ZNF428: variants seen among roughly 807,000 people sequenced by gnomAD.
ZNF428 encodes the protein zinc finger protein 428.
A neutral mutation model predicts 15.6 loss-of-function variants in ZNF428; 5 were observed. That is an observed-to-expected ratio of 0.32 (90% CI 0.17 to 0.67). ZNF428 has a LOEUF of 0.67. Ranked by LOEUF, ZNF428 falls within the 30% of genes least tolerant of loss-of-function variation. The probability of loss-of-function intolerance (pLI) is 0.73; values close to 1 mark genes in which losing one functional copy is unlikely to be tolerated. For missense variants in ZNF428, 237 were observed against 256.0 expected (o/e 0.93, Z 0.51); for synonymous variants, 97 against 102.2 (o/e 0.95, Z 0.31).
chr19:43,610,473 T>C (rs1406548653), intron 2 of ZNF428, among the ~76,000 whole-genome samples: 2 of 152,016 alleles, frequency 1.3e-5, no homozygotes, highest in Non-Finnish European at 2.9e-5. Context: ...GTGCTGGGAT[T>C]ATAGGTATGA....
At chr19:43,613,545 G>T (rs1188413507) in intron 2 of ZNF428, 2 of 1,551,160 alleles carry the variant, frequency 1.3e-6, no homozygotes, top group Non-Finnish European at 1.7e-6. Context: ...GATCGCAGCC[G>T]ATCTAGAAGC....
At chr19:43,608,233 C>T in intron 2 of ZNF428, 126 bp from the exon 3 acceptor site, 1 of 1,289,376 alleles carries the variant, frequency 7.8e-7, no homozygotes, top group Non-Finnish European at 1.1e-6. Context: ...AGACACTACC[C>T]TTCCCTTCCC....
intron 1 of ZNF428, among the ~76,000 whole-genome samples, chr19:43,619,138 G>A (rs1314722547): frequency 3.9e-5 from 6 of 152,178 alleles, no homozygotes; most frequent in African/African-American, 1.4e-4. Flanking sequence ...TTCCACTACG[G>A]GACAATAACG....
rs771954639 is a variant in ZNF428 at position 43,612,419 on chromosome 19, ACCAGCAAAG to A, written c.76+1801_76+1809del. ...CAGCAGGGTGAGCACCGACACCAGG[ACCAGCAAAG>A]CCAGCAAGGCCAGCGACGTGAGATG... is the stretch of plus-strand genomic sequence containing the variant. On this transcript the variant is annotated intron_variant, in intron 2 of 2. Transcript: ENST00000300811. This position sits in a 1 kb window ranked among gnomAD's most constrained non-coding sequence, Gnocchi z 4.2. 1.7e-4 allele frequency: 268 copies of A among 1,551,266 alleles called. 1 individual carries two copies. The highest frequency in any genetic ancestry group is 1.7e-4 in the Middle Eastern group (1 of 6,014).
Position 43,612,283 on chromosome 19 carries a change from C to T in ZNF428, c.76+1946G>A. 6.4e-7 allele frequency: 1 copy of T among 1,551,704 alleles called. No homozygotes were observed. The highest frequency in any genetic ancestry group is 1.4e-5 in the African/African-American group (1 of 73,156). ...CCACCAAACCAGCGACATCCCGTAA[C>T]TCAGTCATGAGCCCAAGCAGTTCCA... On this transcript the variant is annotated intron_variant, in intron 2 of 2. Transcript: ENST00000300811. The surrounding 1 kb of genome is among the most constrained non-coding windows in gnomAD (Gnocchi z 4.2).
chr19:43,619,202 A>G (rs1383383467), intron 1 of ZNF428, among the ~76,000 whole-genome samples: 1 of 152,100 alleles, frequency 6.6e-6, no homozygotes, highest in Admixed American at 6.5e-5. Context: ...TTAGGCCTAT[A>G]GCGACCACCT....
At chr19:43,618,445 T>TA (rs923809142) in intron 1 of ZNF428, among the ~76,000 whole-genome samples, 3 of 151,688 alleles carry the variant, frequency 2.0e-5, no homozygotes, top group African/African-American at 7.3e-5. Context: ...TACTCCCCCA[T>TA]AACCAGGTTG....
rs1973303797 is a variant in ZNF428 at position 43,612,121 on chromosome 19, C to T, written c.76+2108G>A. The T allele has an allele frequency of 6.4e-7, 1 of 1,550,678 alleles. No homozygotes were observed. Among genetic ancestry groups the T allele is most frequent in the Non-Finnish European group, 8.7e-7 (1 of 1,146,304 alleles). On this transcript the variant is annotated intron_variant, in intron 2 of 2. Coordinates refer to ENST00000300811, the MANE Select transcript of ZNF428 (RefSeq NM_182498.4). The surrounding 1 kb of genome is among the most constrained non-coding windows in gnomAD (Gnocchi z 4.2). ...GGACCACAAGCCCTTTTGCGCCCAC[C>T]ATGTCTTCACCTAAGAGATCTTCAA...
At chr19:43,611,843 C>T (rs1459301332) in intron 2 of ZNF428, among the ~76,000 whole-genome samples, 1 of 152,206 alleles carries the variant, frequency 6.6e-6, no homozygotes, top group East Asian at 1.9e-4. Flanking sequence ...CCTGGGTCTG[C>T]CCCATCTCTG....
Position 43,613,495 on chromosome 19 carries a change from A to G in ZNF428, c.76+734T>C, listed in dbSNP as rs114806295. On this transcript the variant is annotated intron_variant, in intron 2 of 2. Transcript: ENST00000300811. ...GCCGATCTAGAAGTCCCAACAAGGC[A>G]AGAGATCATAGCCGATCTAGAAGTC... is the stretch of plus-strand genomic sequence containing the variant. 9.1e-4 allele frequency: 1,382 copies of G among 1,526,778 alleles called. 36 individuals are homozygous for G. In the African/African-American group the frequency reaches 0.02, roughly 22 times the overall value. The allele number at this position is 1,526,778 out of a possible 1,614,324, so 94.6% of individuals were successfully genotyped here. A position where few individuals can be genotyped will look rare whatever the true frequency, so the allele number is the denominator to read the frequency against.
chr19:43,607,771 G>A lies in ZNF428; in HGVS notation c.413C>T (p.Pro138Leu). The A allele has an allele frequency of 6.2e-7, 1 of 1,605,096 alleles. No homozygotes were observed. The highest frequency in any genetic ancestry group is 8.5e-7 in the Non-Finnish European group (1 of 1,175,768). The change falls in exon 3 of 3, where the codon CCA (proline) becomes CTA (leucine). Residue 138 changes from proline (P) to leucine (L), a missense_variant. Transcript: ENST00000300811. The surrounding 1 kb of genome is among the most constrained non-coding windows in gnomAD (Gnocchi z 5.1). ...TGGTCGGCCCTCCCCAGCCCGAGGTGGTTCCTCCTCTTCCTCCCCGAGGGC... is the reference window on the plus strand; with the variant it reads ...TGGTCGGCCCTCCCCAGCCCGAGGTAGTTCCTCCTCTTCCTCCCCGAGGGC... ...GRALGEEEEE[P>L]PRAGEGRPAG... is the part of the protein sequence containing the mutation.
At chr19:43,618,414 G>C (rs1182372231) in intron 1 of ZNF428, among the ~76,000 whole-genome samples, 1 of 151,842 alleles carries the variant, frequency 6.6e-6, no homozygotes, top group Non-Finnish European at 1.5e-5. Flanking sequence ...TAGGAAAGGG[G>C]CTTCCAGGCC....
At chr19:43,613,830 G>C (rs1237074571) in intron 2 of ZNF428, 3 of 1,549,520 alleles carry the variant, frequency 1.9e-6, no homozygotes. Context: ...AGAGATCGCA[G>C]ACGATGGAGA....
intron 1 of ZNF428, among the ~76,000 whole-genome samples, chr19:43,615,145 C>G (rs181738277): frequency 1.8e-4 from 28 of 152,210 alleles, no homozygotes; most frequent in African/African-American, 6.5e-4. Context: ...TTCCTCTACT[C>G]TCACACTATC....
In ZNF428 at chr19:43,607,866, C is replaced by A; in HGVS notation, c.318G>T (p.Pro106=). 2 of 1,555,926 alleles carry A rather than the reference C, an allele frequency of 1.3e-6. No individual in the cohort carries two copies. Among genetic ancestry groups the A allele is most frequent in the East Asian group, 2.4e-5 (1 of 41,584 alleles). The change falls in exon 3 of 3, where the codon CCG becomes CCT. Residue 106 remains proline (P), a synonymous_variant. Coordinates refer to ENST00000300811, the MANE Select transcript of ZNF428 (RefSeq NM_182498.4). The surrounding 1 kb of genome is among the most constrained non-coding windows in gnomAD (Gnocchi z 5.1). Reference sequence around the variant, plus strand: ...AGCAGAGCCGGCAGGGTGGGGTTCCCGGTGGGGCCTCCCCAAGGGGTGAGC... The same window carrying A: ...AGCAGAGCCGGCAGGGTGGGGTTCCAGGTGGGGCCTCCCCAAGGGGTGAGC... ...CGRSPLGEAP[P]GTPPCRLCCP... is the part of the protein sequence containing the mutation.
At chr19:43,614,759 C>T (rs987636309) in intron 1 of ZNF428, among the ~76,000 whole-genome samples, 2 of 152,158 alleles carry the variant, frequency 1.3e-5, no homozygotes, top group Non-Finnish European at 2.9e-5. Context: ...TCCTCACGCC[C>T]GGCTAATTTT....
intron 1 of ZNF428, among the ~76,000 whole-genome samples, chr19:43,617,617 A>AT (rs1193173063): frequency 6.6e-6 from 1 of 152,234 alleles, no homozygotes. Flanking sequence ...ACAGGGCCCC[A>AT]TCTAATTTGG....
chr19:43,611,132 C>G (rs1973291410), intron 2 of ZNF428, among the ~76,000 whole-genome samples: 1 of 152,160 alleles, frequency 6.6e-6, no homozygotes, highest in Non-Finnish European at 1.5e-5. Flanking sequence ...CTGTTACTGC[C>G]CTAGAAGCTG....
chr19:43,614,173 A>C lies in ZNF428; in HGVS notation c.76+56T>G, dbSNP rs759107698. On this transcript the variant is annotated intron_variant, in intron 2 of 2. Transcript: ENST00000300811. ...CATCAACATTTCCCAGTGGGGGCCA[A>C]ACCCTAAGCCAGGATGACAGTCAAG... is the stretch of plus-strand genomic sequence containing the variant. The C allele has an allele frequency of 1.2e-6, 2 of 1,614,184 alleles. No individual in the cohort carries two copies. The highest frequency in any genetic ancestry group is 2.2e-5 in the East Asian group (1 of 44,884).
Sources: allele counts gnomAD v4.1 joint callset (sites outside exome capture counted in the v4.1 genomes callset), GRCh38; gene constraint gnomAD v4.1.1; non-coding constraint Gnocchi (gnomAD v3.1); transcripts MANE v1.5; gene names NCBI Gene and HGNC (gene_info 2026-07-23, HGNC 2026-07-21).